Variants in STAM observed in about 807,000 individuals in gnomAD.
STAM encodes the protein signal transducing adaptor molecule, also known as signal transducing adapter molecule 1.
Under a neutral mutation model 63.4 loss-of-function variants are expected in STAM, and 16 were observed. That is an observed-to-expected ratio of 0.25 (90% confidence interval 0.17 to 0.38). STAM has a LOEUF of 0.38. Ranked by LOEUF, STAM falls within the 10% of genes least tolerant of loss-of-function variation. STAM has a pLI of 1.00. For missense variants in STAM, 636 were observed against 657.1 expected, an observed-to-expected ratio of 0.97 and a Z score of 0.35; for synonymous variants, 238 against 223.9, an observed-to-expected ratio of 1.06 and a Z score of -0.56.
chr10:17,644,599 A>C (rs1376870951), intron 1 of STAM, among the ~76,000 whole-genome samples: 1 of 152,086 alleles, frequency 6.6e-6, no homozygotes, highest in Non-Finnish European at 1.5e-5. Flanking sequence ...TTGAGCTAGG[A>C]CTGTAGGTTG....
At chr10:17,681,892 A>G (rs192398639) in intron 2 of STAM, among the ~76,000 whole-genome samples, 75 of 152,342 alleles carry the variant, frequency 4.9e-4, no homozygotes, top group African/African-American at 1.8e-3. Flanking sequence ...GCCTAAGCAC[A>G]TGATGTTTCG....
chr10:17,650,702 G>A (rs1833701967), intron 1 of STAM, among the ~76,000 whole-genome samples: 2 of 152,090 alleles, frequency 1.3e-5, no homozygotes, highest in Admixed American at 1.3e-4. Context: ...TTTTTCCCTA[G>A]TTATTTTCCA....
intron 2 of STAM, among the ~76,000 whole-genome samples, chr10:17,672,228 A>G (rs1462706504): frequency 2.0e-5 from 3 of 152,196 alleles, no homozygotes; most frequent in African/African-American, 4.8e-5. Context: ...TAACTGTACA[A>G]CAGTATACCT....
intron 2 of STAM, among the ~76,000 whole-genome samples, chr10:17,671,449 C>G (rs2131604311): frequency 6.6e-6 from 1 of 152,326 alleles, no homozygotes; most frequent in Admixed American, 6.5e-5. Flanking sequence ...GACATCTCCT[C>G]TTTTACAGAT....
intron 2 of STAM, among the ~76,000 whole-genome samples, chr10:17,669,992 A>C (rs1434200309): frequency 2.0e-5 from 3 of 150,972 alleles, no homozygotes; most frequent in African/African-American, 7.3e-5. Flanking sequence ...GGCCTCCCAA[A>C]GTGCTGGGAT....
rs998357155 is a variant in STAM, at chr10:17,675,854, C to G, written c.126-8821C>G. On this transcript the variant is annotated intron_variant, in intron 2 of 13. Coordinates refer to ENST00000377524, the MANE Select transcript of STAM (RefSeq NM_003473.4). ...TATGGCGGTGATTCACCCTGAAAGT[C>G]TTGCTTACCTAATTAGATTAATCCA... Among the ~76,000 whole-genome samples the G allele has an allele frequency of 1.4e-4, 22 of 151,800 alleles. 1 individual carries two copies. The highest frequency in any genetic ancestry group is 1.4e-3 in the Admixed American group (22 of 15,246).
At chr10:17,661,918 G>A (rs548105617) in intron 2 of STAM, among the ~76,000 whole-genome samples, 1 of 151,976 alleles carries the variant, frequency 6.6e-6, no homozygotes, top group South Asian at 2.1e-4. Context: ...TCCCTTTGTT[G>A]TATTTACATT....
chr10:17,682,518 A>G (rs1554825497), intron 2 of STAM, among the ~76,000 whole-genome samples: 3 of 152,098 alleles, frequency 2.0e-5, no homozygotes. Flanking sequence ...TAAGCCTTAG[A>G]TATTTGTTAT....
intron 1 of STAM, among the ~76,000 whole-genome samples, chr10:17,650,179 T>A (rs533771597): frequency 1.3e-5 from 2 of 152,346 alleles, no homozygotes; most frequent in South Asian, 4.1e-4. Context: ...AAGTGTGATA[T>A]GATAGAAAGA....
intron 13 of STAM, among the ~76,000 whole-genome samples, chr10:17,709,622 G>T (rs908894917): frequency 6.6e-6 from 1 of 152,082 alleles, no homozygotes; most frequent in Non-Finnish European, 1.5e-5. Flanking sequence ...GCAAATAAAG[G>T]ATAGGCTTTT....
At chr10:17,681,441 C>G (rs190538549) in intron 2 of STAM, among the ~76,000 whole-genome samples, 1 of 151,848 alleles carries the variant, frequency 6.6e-6, no homozygotes, top group South Asian at 2.1e-4. Context: ...GGAGAACATG[C>G]TTTCTATGAT....
chr10:17,688,553 C>T (rs1319248323), intron 5 of STAM, among the ~76,000 whole-genome samples: 1 of 151,912 alleles, frequency 6.6e-6, no homozygotes, highest in Non-Finnish European at 1.5e-5. Context: ...ACCTCTGCCT[C>T]CTGGGTTCAG....
chr10:17,714,940 C>A lies in STAM; in HGVS notation c.*160C>A. On this transcript the variant is annotated 3_prime_UTR_variant, in exon 14 of 14. Coordinates refer to ENST00000377524, the MANE Select transcript of STAM (RefSeq NM_003473.4). ...AAGGTAGAACTCTCCTCAATTTACACTGACTTTTTAGAGGTTCTTCCCCCC... is the reference window on the plus strand; with the variant it reads ...AAGGTAGAACTCTCCTCAATTTACAATGACTTTTTAGAGGTTCTTCCCCCC... 3 of 701,136 alleles carry A rather than the reference C, an allele frequency of 4.3e-6. No homozygotes were observed. The highest frequency in any genetic ancestry group is 2.7e-5 in the East Asian group (1 of 36,998). The allele number at this position is 701,136 out of a possible 1,614,324, so 43.4% of individuals were successfully genotyped here.
At chr10:17,679,512 A>G (rs1554825035) in intron 2 of STAM, among the ~76,000 whole-genome samples, 1 of 150,702 alleles carries the variant, frequency 6.6e-6, no homozygotes, top group East Asian at 1.9e-4. Context: ...CTGTGGGTTG[A>G]CTTTTCTTTA....
At position 17,684,919 on chromosome 10, in the gene STAM, T is replaced by A. The variant is rs1554825893; in HGVS notation, c.289T>A (p.Leu97Ile). The A allele has an allele frequency of 5.6e-6, 9 of 1,612,094 alleles. No individual in the cohort carries two copies. Among genetic ancestry groups the A allele is most frequent in the Non-Finnish European group, 7.6e-6 (9 of 1,178,558 alleles). Residue 97 changes from leucine to isoleucine, a missense_variant, in exon 4 of 14, where the codon TTA (leucine) becomes ATA (isoleucine). By Grantham distance (5) the Leu-to-Ile change is conservative (BLOSUM62 2). Around this residue, in one of 3 missense-constraint regions of STAM, gnomAD observed 532 missense variants for 536.9 expected, o/e 0.99. Transcript: ENST00000377524. ...RDFASEVSNV[L>I]NKGHPKVCEK... The stretch of plus-strand genomic sequence containing the variant: ...TTTTGCTAGTGAAGTAAGCAACGTA[T>A]TAAATAAGGTAAGGAGCATTATTTC...
intron 1 of STAM, among the ~76,000 whole-genome samples, chr10:17,645,538 A>G (rs1348907662): frequency 3.3e-5 from 5 of 152,122 alleles, no homozygotes; most frequent in Non-Finnish European, 5.9e-5. Flanking sequence ...AGAGGGGAAA[A>G]CACATCATTC....
chr10:17,716,417 C>A lies in STAM; in HGVS notation c.*1637C>A, dbSNP rs534030570. On this transcript the variant is annotated 3_prime_UTR_variant, in exon 14 of 14. Transcript: ENST00000377524. ...TTACTTAAGGGTAACTTAAGTGTTT[C>A]GCTCAAGTGTTGTGTTCTGATTTCC... Among the ~76,000 whole-genome samples the A allele has an allele frequency of 2.6e-5, 4 of 151,794 alleles. No homozygotes were observed. Among genetic ancestry groups the A allele is most frequent in the Non-Finnish European group, 4.4e-5 (3 of 67,960 alleles).
chr10:17,656,978 G>A (rs935019087), intron 1 of STAM, among the ~76,000 whole-genome samples: 10 of 152,160 alleles, frequency 6.6e-5, no homozygotes, highest in African/African-American at 1.4e-4. Context: ...GCCCACATGC[G>A]CAGTGCCCTC....
intron 1 of STAM, among the ~76,000 whole-genome samples, chr10:17,653,276 G>A (rs996726438): frequency 1.3e-5 from 2 of 152,154 alleles, no homozygotes; most frequent in Non-Finnish European, 1.5e-5. Flanking sequence ...CTGAAAAACC[G>A]AATATTCCGC....
Sources: allele counts gnomAD v4.1 joint callset (sites outside exome capture counted in the v4.1 genomes callset), GRCh38; gene constraint gnomAD v4.1.1; regional missense constraint gnomAD v4.1.1; transcripts MANE v1.5; gene names NCBI Gene and HGNC (gene_info 2026-07-23, HGNC 2026-07-21).